Variants in GNL2 observed in about 807,000 individuals in gnomAD.
GNL2 encodes the protein nucleolar GTP-binding protein 2.
Under a neutral mutation model 92.3 loss-of-function variants are expected in GNL2, and 51 were observed. That is an observed-to-expected ratio of 0.55 (90% confidence interval 0.44 to 0.70). The LOEUF (loss-of-function observed/expected upper bound fraction) is 0.70. Ranked by LOEUF, GNL2 falls within the 30% of genes least tolerant of loss-of-function variation. The pLI is 0.00. For synonymous variants in GNL2, 283 were observed against 300.6 expected, an observed-to-expected ratio of 0.94 and a Z score of 0.61; for missense variants, 844 against 895.6, an observed-to-expected ratio of 0.94 and a Z score of 0.74.
Position 37,574,695 on chromosome 1 carries a change from C to T in GNL2, c.1272G>A (p.Lys424=), listed in dbSNP as rs2148131422. The change falls in exon 11 of 16, where the codon AAG becomes AAA. Residue 424 remains lysine (K), a synonymous_variant. Coordinates refer to ENST00000373062, the MANE Select transcript of GNL2 (RefSeq NM_013285.3). Reference sequence around the variant, plus strand: ...GTAACTTCCCAGTCCGGAAAGCGAGCTTCTCAAGAAAGTCCTCAGCATTCT... The same window carrying T: ...GTAACTTCCCAGTCCGGAAAGCGAGTTTCTCAAGAAAGTCCTCAGCATTCT... ...SWENAEDFLE[K]LAFRTGKLLK... 1.9e-6 allele frequency: 3 copies of T among 1,613,988 alleles called. No individual in the cohort carries two copies. The East Asian group carries it at 6.7e-5, about 36-fold the overall frequency.
intron 12 of GNL2, among the ~76,000 whole-genome samples, chr1:37,571,526 G>T (rs1447769682): frequency 1.3e-5 from 2 of 152,012 alleles, no homozygotes; most frequent in Non-Finnish European, 2.9e-5. Context: ...CTCCCTGTCC[G>T]TGACTTCACC....
chr1:37,571,308 A>G (rs927529880), intron 12 of GNL2, among the ~76,000 whole-genome samples: 2 of 152,208 alleles, frequency 1.3e-5, no homozygotes, highest in African/African-American at 2.4e-5. Flanking sequence ...CACTGTCCCT[A>G]TAGATAGGAT....
intron 12 of GNL2, chr1:37,570,915 A>G (rs1056638239): frequency 6.6e-6 from 1 of 152,216 alleles, no homozygotes; most frequent in African/African-American, 2.4e-5. Context: ...TCACATGTAT[A>G]ATATCATTTT....
At chr1:37,576,587 A>G (rs766310974) in intron 8 of GNL2, 31 bp from the exon 9 acceptor site, 13 of 1,606,988 alleles carry the variant, frequency 8.1e-6, no homozygotes, top group Non-Finnish European at 1.1e-5. Context: ...CAGCACATAC[A>G]TGCAGTCATA....
rs753666112 is a variant in GNL2, at chr1:37,591,101, T to G, written c.245-256A>C. On this transcript the variant is annotated intron_variant, in intron 3 of 15. Coordinates refer to ENST00000373062, the MANE Select transcript of GNL2 (RefSeq NM_013285.3). ...AGTTTTCCAAGTCCAGTTTCCTAACTAAATGAAACTGAGAAATAAATAGCG... is the reference window on the plus strand; with the variant it reads ...AGTTTTCCAAGTCCAGTTTCCTAACGAAATGAAACTGAGAAATAAATAGCG... Among the ~76,000 whole-genome samples, 20 of 152,188 alleles carry G rather than the reference T, an allele frequency of 1.3e-4. No homozygotes were observed. The highest frequency in any genetic ancestry group is 2.4e-4 in the Non-Finnish European group (16 of 68,030).
intron 6 of GNL2, 148 bp downstream of exon 6, chr1:37,583,719 G>A (rs180998537): frequency 6.8e-5 from 38 of 558,830 alleles, no homozygotes; most frequent in Admixed American, 5.6e-4. Context: ...TACGCCTTCC[G>A]AGTTTCTTTG....
chr1:37,587,447 C>T lies in GNL2; in HGVS notation c.433G>A (p.Gly145Ser), dbSNP rs1236607943. 2 of 1,612,688 alleles carry T rather than the reference C, an allele frequency of 1.2e-6. No homozygotes were observed. The highest frequency in any genetic ancestry group is 1.7e-6 in the Non-Finnish European group (2 of 1,179,148). The part of the protein sequence containing the change: ...LDTESFETTF[G>S]PKSQRKRPNL... ...GGTCGTTTCCTCTGTGACTTAGGGC[C>T]AAATGTAGTTTCAAAACTTTCAGTA... is the stretch of plus-strand genomic sequence containing the variant. The change falls in exon 5 of 16, where the codon GGC (glycine) becomes AGC (serine). Residue 145 changes from glycine to serine, a missense_variant. Coordinates refer to ENST00000373062, the MANE Select transcript of GNL2 (RefSeq NM_013285.3).
intron 8 of GNL2, among the ~76,000 whole-genome samples, chr1:37,579,318 G>A (rs1261809703): frequency 6.6e-6 from 1 of 151,848 alleles, no homozygotes. Flanking sequence ...GAGGCCGAGG[G>A]GGGCGGATCA....
chr1:37,595,860 CT>C lies in GNL2; in HGVS notation c.-39del. ...ACCGGGACCGGAGTGCGAGGTCCGG[CT>C]TACGTGGTGAAACAAACTTTTATGT... On this transcript the variant is annotated 5_prime_UTR_variant, in exon 1 of 16. Coordinates refer to ENST00000373062, the MANE Select transcript of GNL2 (RefSeq NM_013285.3). The C allele has an allele frequency of 1.3e-6, 2 of 1,584,394 alleles. No homozygotes were observed. The highest frequency in any genetic ancestry group is 8.7e-7 in the Non-Finnish European group (1 of 1,152,834).
chr1:37,589,172 C>G (rs111243159), intron 4 of GNL2, among the ~76,000 whole-genome samples: 14 of 152,230 alleles, frequency 9.2e-5, no homozygotes, highest in Non-Finnish European at 2.1e-4. Flanking sequence ...TGAAAGAAAA[C>G]AGTCATTCTA....
Position 37,578,604 on chromosome 1 carries a change from C to CT in GNL2, c.910-2049dup, listed in dbSNP as rs569772233. On this transcript the variant is annotated intron_variant, in intron 8 of 15. Coordinates refer to ENST00000373062, the MANE Select transcript of GNL2 (RefSeq NM_013285.3). ...ACAGGGTCTTCCCTTGTCAACCAGG[C>CT]TGAAGTACAGCGACACAATCACAGC... Among the ~76,000 whole-genome samples, 45 of 151,890 alleles carry CT rather than the reference C, an allele frequency of 3.0e-4. No homozygotes were observed. In the East Asian group the frequency reaches 8.7e-3, roughly 29 times the overall value.
In GNL2 at chr1:37,587,474, C is replaced by T. The variant is rs370115718; in HGVS notation, c.406G>A (p.Asp136Asn). The change falls in exon 5 of 16, where the codon GAT (aspartate) becomes AAT (asparagine). Residue 136 changes from aspartate (D) to asparagine (N), a missense_variant. Physicochemically the swap from Asp to Asn is conservative, Grantham distance 23. Transcript: ENST00000373062. ...AATGTAGTTTCAAAACTTTCAGTAT[C>T]AAGAATGTGCACCTTCAAGTTCTGA... ...RPHNLKVHIL[D>N]TESFETTFGP... 6.2e-7 allele frequency: 1 copy of T among 1,611,270 alleles called. No individual in the cohort carries two copies. The highest frequency in any genetic ancestry group is 8.5e-7 in the Non-Finnish European group (1 of 1,178,010).
Position 37,568,981 on chromosome 1 carries a change from A to G in GNL2, c.1738T>C (p.Ser580Pro). The G allele has an allele frequency of 6.2e-7, 1 of 1,613,800 alleles. No homozygotes were observed. The highest frequency in any genetic ancestry group is 8.5e-7 in the Non-Finnish European group (1 of 1,179,958). The change falls in exon 13 of 16, where the codon TCT becomes CCT. Residue 580 changes from serine (S) to proline (P), a missense_variant. By Grantham distance (74) the Ser-to-Pro change is moderately conservative. Coordinates refer to ENST00000373062, the MANE Select transcript of GNL2 (RefSeq NM_013285.3). ...QEQQRDDAEESSSEPEEENVG... is the reference protein window; with the variant it reads ...QEQQRDDAEEPSSEPEEENVG... ...TTTTCCTCCTCAGGCTCCGAGGAAG[A>G]CTCTTCCGCATCATCTCTTTGTTGC...
At chr1:37,574,270 G>C (rs1034019898) in intron 12 of GNL2, 73 bp downstream of exon 12, 6 of 817,500 alleles carry the variant, frequency 7.3e-6, no homozygotes, top group African/African-American at 1.7e-5. Flanking sequence ...TCTATGAAGA[G>C]AGACAATCAC....
At chr1:37,567,151 A>C in intron 15 of GNL2, 144 bp from the exon 16 acceptor site, 1 of 810,412 alleles carries the variant, frequency 1.2e-6, no homozygotes, top group Non-Finnish European at 1.9e-6. Flanking sequence ...CTAATGAGGG[A>C]GGGCTCCCCC....
chr1:37,574,628 C>A, intron 11 of GNL2, 37 bp downstream of exon 11: 1 of 1,596,156 alleles, frequency 6.3e-7, no homozygotes, highest in Non-Finnish European at 8.6e-7. Context: ...ATGCTTGTGA[C>A]AAGTATCAGT....
chr1:37,590,888 C>T lies in GNL2; in HGVS notation c.245-43G>A, dbSNP rs185441817. 46 of 1,493,132 alleles carry T rather than the reference C, an allele frequency of 3.1e-5. 1 individual carries two copies. Among genetic ancestry groups the T allele is most frequent in the Admixed American group, 4.3e-5 (2 of 46,470 alleles). 92.5% of individuals were successfully genotyped at this position (1,493,132 alleles called of 1,614,324 possible). A position where few individuals can be genotyped will look rare whatever the true frequency, so the allele number is the denominator to read the frequency against. ...AATGTTGCCACTTAGTTAATATTTG[C>T]GCATCCATCTTCCACTGACACGGTG... On this transcript the variant is annotated intron_variant, in intron 3 of 15. Coordinates refer to ENST00000373062, the MANE Select transcript of GNL2 (RefSeq NM_013285.3).
At position 37,585,512 on chromosome 1, in the gene GNL2, T is replaced by C. The variant is rs137937889; in HGVS notation, c.570-1579A>G. On this transcript the variant is annotated intron_variant, in intron 5 of 15. Transcript: ENST00000373062. The stretch of plus-strand genomic sequence containing the variant: ...CATAGCTCCCATATACAGCAGTATT[T>C]TTCTGATAAGGTTTAGAATCTGTTT... 2.4e-3 allele frequency among the ~76,000 whole-genome samples: 368 copies of C among 152,332 alleles called. 1 individual carries two copies. Among genetic ancestry groups the C allele is most frequent in the African/African-American group, 8.3e-3 (347 of 41,574 alleles).
At chr1:37,572,056 T>C (rs1388269369) in intron 12 of GNL2, among the ~76,000 whole-genome samples, 2 of 152,152 alleles carry the variant, frequency 1.3e-5, no homozygotes, top group African/African-American at 2.4e-5. Context: ...TCTCCCTAGA[T>C]ACTAGCATGG....
Sources: allele counts gnomAD v4.1 joint callset (sites outside exome capture counted in the v4.1 genomes callset), GRCh38; gene constraint gnomAD v4.1.1; transcripts MANE v1.5; gene names NCBI Gene and HGNC (gene_info 2026-07-23, HGNC 2026-07-21).